The following TMEM164 variants were observed in gnomAD, a reference collection of about 807,000 sequenced individuals.
TMEM164 encodes the protein RP13-360B22.2.
A neutral mutation model predicts 18.8 loss-of-function variants in TMEM164; 4 were observed. That is an observed-to-expected ratio of 0.21 (90% CI 0.10 to 0.49). TMEM164 has a LOEUF of 0.49. Ranked by LOEUF, TMEM164 falls within the 20% of genes least tolerant of loss-of-function variation. TMEM164 has a pLI of 0.98. For synonymous variants in TMEM164, 86 were observed against 101.7 expected (o/e 0.85, Z 0.93); for missense variants, 108 against 239.9 (o/e 0.45, Z 3.63).
chrX:110,089,338 C>A lies in TMEM164; in HGVS notation c.441-19742C>A, dbSNP rs935817822. Among the ~76,000 whole-genome samples the A allele has an allele frequency of 7.2e-5, 8 of 111,198 alleles. 1 individual carries two copies. Among genetic ancestry groups the A allele is most frequent in the African/African-American group, 2.6e-4 (8 of 30,586 alleles). On this transcript the variant is annotated intron_variant, in intron 3 of 6. Coordinates refer to ENST00000372068, the MANE Select transcript of TMEM164 (RefSeq NM_032227.4). ...TCAGCTTCCCGAGTAGCTGAGATTACAGGCACTGCCACCACACCCGGCTAA... is the reference window on the plus strand; with the variant it reads ...TCAGCTTCCCGAGTAGCTGAGATTAAAGGCACTGCCACCACACCCGGCTAA...
At chrX:110,160,201 T>C (rs779450495) in intron 5 of TMEM164, among the ~76,000 whole-genome samples, 1 of 112,252 alleles carries the variant, frequency 8.9e-6, no homozygotes, top group East Asian at 2.8e-4. Context: ...CTTAAGGGGT[T>C]CATTCACTTG....
chrX:110,013,060 G>A (rs1189932547), intron 2 of TMEM164, among the ~76,000 whole-genome samples: 1 of 111,930 alleles, frequency 8.9e-6, no homozygotes, highest in Non-Finnish European at 1.9e-5. Context: ...AGGAGAGGGA[G>A]GAGTGAGATC....
chrX:110,179,897 G>C (rs2067316874), downstream of TMEM164, among the ~76,000 whole-genome samples: 1 of 112,014 alleles, frequency 8.9e-6, no homozygotes, highest in Non-Finnish European at 1.9e-5. Flanking sequence ...AGGCACCACT[G>C]TTCTCTGATG....
chrX:110,145,273 AAAG>A (rs1270312888), intron 5 of TMEM164, among the ~76,000 whole-genome samples: 1 of 111,470 alleles, frequency 9.0e-6, no homozygotes, highest in Non-Finnish European at 1.9e-5. Context: ...CTCAAGAACA[AAAG>A]AAGATATTGT....
chrX:110,159,451 G>A (rs2067062875), intron 5 of TMEM164, among the ~76,000 whole-genome samples: 1 of 111,034 alleles, frequency 9.0e-6, no homozygotes, highest in Non-Finnish European at 1.9e-5. Flanking sequence ...AGGCGGGGCA[G>A]TTCAAAGTGA....
intron 5 of TMEM164, among the ~76,000 whole-genome samples, chrX:110,169,044 A>G (rs962836573): frequency 3.6e-5 from 4 of 111,932 alleles, no homozygotes; most frequent in South Asian, 3.7e-4. Flanking sequence ...AAGGCCCCAA[A>G]GTTGATAAGT....
chrX:110,148,922 T>C (rs923710510), intron 5 of TMEM164, among the ~76,000 whole-genome samples: 5 of 110,913 alleles, frequency 4.5e-5, no homozygotes, highest in Admixed American at 3.8e-4. Flanking sequence ...CGCAATCCCA[T>C]ACAACTCTGT....
chrX:110,074,840 A>AGTT (rs2065648538), intron 3 of TMEM164, among the ~76,000 whole-genome samples: 1 of 111,859 alleles, frequency 8.9e-6, no homozygotes, highest in African/African-American at 3.3e-5. Flanking sequence ...TACCACTACC[A>AGTT]TGCTGTTTTG....
At chrX:110,072,114 A>AGTAG (rs2065601327) in intron 3 of TMEM164, among the ~76,000 whole-genome samples, 1 of 108,147 alleles carries the variant, frequency 9.2e-6, no homozygotes, top group Admixed American at 1.0e-4. Flanking sequence ...CAGCCTTACC[A>AGTAG]ACATGGTGAA....
At position 110,088,737 on chromosome X, in the gene TMEM164, A is replaced by G. The variant is rs150205711; in HGVS notation, c.441-20343A>G. Reference sequence around the variant, plus strand: ...TAAAATAGAAGCTGCCTACCTTTACATATACTCAGTTTTATCTTCTCCAAG... The same window carrying G: ...TAAAATAGAAGCTGCCTACCTTTACGTATACTCAGTTTTATCTTCTCCAAG... On this transcript the variant is annotated intron_variant, in intron 3 of 6. Coordinates refer to ENST00000372068, the MANE Select transcript of TMEM164 (RefSeq NM_032227.4). Among the ~76,000 whole-genome samples, 11 of 112,218 alleles carry G rather than the reference A, an allele frequency of 9.8e-5. No homozygotes were observed. The East Asian group carries it at 2.8e-3, about 29-fold the overall frequency.
intron 2 of TMEM164, among the ~76,000 whole-genome samples, chrX:110,047,997 C>A (rs756448032): frequency 4.5e-5 from 5 of 111,750 alleles, no homozygotes. Flanking sequence ...TTGGAGGGAA[C>A]AATTCAAACT....
chrX:110,063,825 A>G (rs1569312308), intron 2 of TMEM164, among the ~76,000 whole-genome samples: 1 of 111,309 alleles, frequency 9.0e-6, no homozygotes, highest in African/African-American at 3.3e-5. Flanking sequence ...GATGTCTCAC[A>G]CTGTAGAGAG....
At chrX:110,004,313 T>C (rs1267702641) in intron 2 of TMEM164, 149 bp downstream of exon 2, 3 of 743,517 alleles carry the variant, frequency 4.0e-6, no homozygotes. Flanking sequence ...TGTGCCGATT[T>C]CAGGTTTGGC....
intron 5 of TMEM164, among the ~76,000 whole-genome samples, chrX:110,168,548 TG>T (rs1018826896): frequency 6.2e-5 from 7 of 112,496 alleles, no homozygotes; most frequent in Non-Finnish European, 1.3e-4. Context: ...TCTTCTAGCC[TG>T]GAATTTCTCC....
downstream of TMEM164, among the ~76,000 whole-genome samples, chrX:110,179,317 C>A (rs910962960): frequency 8.9e-6 from 1 of 111,870 alleles, no homozygotes; most frequent in Non-Finnish European, 1.9e-5. Flanking sequence ...GTCTGTATTC[C>A]CTCCTGCAGG....
chrX:110,113,026 T>TCCTC (rs764742573), intron 4 of TMEM164, among the ~76,000 whole-genome samples: 1 of 111,242 alleles, frequency 9.0e-6, no homozygotes, highest in African/African-American at 3.3e-5. Flanking sequence ...CTGCTTTCCT[T>TCCTC]CCTCCCTCCC....
At chrX:110,031,204 C>T (rs1934489656) in intron 2 of TMEM164, among the ~76,000 whole-genome samples, 1 of 112,308 alleles carries the variant, frequency 8.9e-6, no homozygotes, top group African/African-American at 3.2e-5. Context: ...TGGTTTCCAG[C>T]TTCATCCATG....
At chrX:110,105,731 CAGAGAGAGAGAGAGAGAATGAGAGAG>C (rs1166012964) in intron 3 of TMEM164, among the ~76,000 whole-genome samples, 1 of 86,716 alleles carries the variant, frequency 1.2e-5, no homozygotes, top group Admixed American at 1.5e-4. Flanking sequence ...GACACACACA[CAGAGAGAGAGAGAGAGAATGAGAGAG>C]AGAGAGAGAG....
In TMEM164 at chrX:110,170,910, A is replaced by G. The variant is rs140161426; in HGVS notation, c.587-510A>G. Reference sequence around the variant, plus strand: ...ACAAGGATTTTAAACAACTTTTCACATGGCCCGTAAGCGGTAGAGTCAAGA... The same window carrying G: ...ACAAGGATTTTAAACAACTTTTCACGTGGCCCGTAAGCGGTAGAGTCAAGA... On this transcript the variant is annotated intron_variant, in intron 5 of 6. Transcript: ENST00000372068. 5.4e-5 allele frequency among the ~76,000 whole-genome samples: 6 copies of G among 111,885 alleles called. No individual in the cohort carries two copies. The East Asian group carries it at 1.4e-3, about 26-fold the overall frequency.
Sources: gnomAD v4.1 joint callset for allele counts (sites outside exome capture counted in the v4.1 genomes callset) on GRCh38, gnomAD v4.1.1 for gene constraint, MANE v1.5 for transcripts, NCBI Gene and HGNC (gene_info 2026-07-23, HGNC 2026-07-21) for gene names.